Variants in MAP4K3 observed in about 807,000 individuals in gnomAD.
MAP4K3 encodes MAPK/ERK kinase kinase kinase 3.
A neutral mutation model predicts 143.5 loss-of-function variants in MAP4K3; 94 were observed. That is an observed-to-expected ratio of 0.65 (90% CI 0.55 to 0.78). The LOEUF is 0.78. Among genes scored for constraint, MAP4K3 ranks in the 30% least tolerant of loss-of-function variants. The pLI is 0.00. For synonymous variants in MAP4K3, 416 were observed against 347.2 expected (o/e 1.20, Z -2.20); for missense variants, 1,077 against 1,068.1 (o/e 1.01, Z -0.12).
At chr2:39,267,788 A>G (rs933291774) in intron 26 of MAP4K3, among the ~76,000 whole-genome samples, 1 of 151,966 alleles carries the variant, frequency 6.6e-6, no homozygotes, top group Non-Finnish European at 1.5e-5. Context: ...AGAAGTCTAT[A>G]GAAATATATG....
intron 2 of MAP4K3, among the ~76,000 whole-genome samples, chr2:39,361,214 C>T (rs759658639): frequency 3.7e-4 from 56 of 152,040 alleles, no homozygotes; most frequent in Non-Finnish European, 4.3e-4. Flanking sequence ...TTTGTCTCTA[C>T]ATTATAGCAA....
At chr2:39,386,031 T>C (rs995524187) in intron 1 of MAP4K3, among the ~76,000 whole-genome samples, 1 of 152,234 alleles carries the variant, frequency 6.6e-6, no homozygotes, top group Non-Finnish European at 1.5e-5. Flanking sequence ...AATTCATATG[T>C]TGAAGTCCCA....
chr2:39,276,356 A>C (rs1681253176), intron 24 of MAP4K3, among the ~76,000 whole-genome samples: 1 of 152,218 alleles, frequency 6.6e-6, no homozygotes, highest in South Asian at 2.1e-4. Context: ...AAGTTAACCT[A>C]GACCTCTCTT....
intron 20 of MAP4K3, among the ~76,000 whole-genome samples, chr2:39,287,647 G>T (rs560412060): frequency 1.3e-4 from 20 of 152,084 alleles, no homozygotes; most frequent in Admixed American, 9.2e-4. Flanking sequence ...AAACACAGAG[G>T]AGTCTTTACA....
rs764250055 is a variant in MAP4K3 at position 39,260,656 on chromosome 2, C to A, written c.2258G>T (p.Arg753Leu). 2.1e-5 allele frequency: 34 copies of A among 1,613,950 alleles called. No individual in the cohort carries two copies. Among genetic ancestry groups the A allele is most frequent in the Non-Finnish European group, 2.6e-5 (31 of 1,180,008 alleles). ...SRGRDFNQVV[R>L]FETVNPNSTS... ...AGAATTTGGATTGACCGTCTCAAAT[C>A]GAACCACTTGGTTGAAGTCTCTACC... Residue 753 changes from arginine to leucine, a missense_variant, in exon 29 of 34, where the codon CGA (arginine) becomes CTA (leucine). Arg to Leu is a moderately radical substitution (Grantham distance 102). Transcript: ENST00000263881.
At chr2:39,274,419 A>C (rs968362679) in intron 24 of MAP4K3, among the ~76,000 whole-genome samples, 2 of 151,764 alleles carry the variant, frequency 1.3e-5, no homozygotes, top group Non-Finnish European at 2.9e-5. Flanking sequence ...ACGGGGTTTC[A>C]CCGTGTTAGC....
At chr2:39,404,724 C>T (rs924400885) in intron 1 of MAP4K3, among the ~76,000 whole-genome samples, 4 of 149,174 alleles carry the variant, frequency 2.7e-5, no homozygotes, top group Admixed American at 6.8e-5. Context: ...TGGGTTCAAG[C>T]GATTCTCCTG....
chr2:39,264,250 T>C (rs1272299489), intron 28 of MAP4K3, among the ~76,000 whole-genome samples: 1 of 152,246 alleles, frequency 6.6e-6, no homozygotes, highest in Non-Finnish European at 1.5e-5. Context: ...TCAGTAGTTC[T>C]GCTTTAGACA....
At chr2:39,304,575 G>A (rs1422358429) in intron 15 of MAP4K3, among the ~76,000 whole-genome samples, 1 of 152,238 alleles carries the variant, frequency 6.6e-6, no homozygotes, top group Non-Finnish European at 1.5e-5. Context: ...AATAACAAAT[G>A]CTGATGAGGA....
intron 2 of MAP4K3, among the ~76,000 whole-genome samples, chr2:39,362,758 GA>G (rs771529862): frequency 6.6e-6 from 1 of 152,052 alleles, no homozygotes; most frequent in Non-Finnish European, 1.5e-5. Flanking sequence ...TGAGAAAAAA[GA>G]ATAAAAGCTG....
At chr2:39,423,645 A>G (rs1664962484) in intron 1 of MAP4K3, among the ~76,000 whole-genome samples, 1 of 152,232 alleles carries the variant, frequency 6.6e-6, no homozygotes, top group Non-Finnish European at 1.5e-5. Context: ...GCATATTGCT[A>G]AGGGAAAGAA....
At chr2:39,339,771 A>T (rs1665089003) in intron 4 of MAP4K3, among the ~76,000 whole-genome samples, 1 of 152,020 alleles carries the variant, frequency 6.6e-6, no homozygotes, top group Admixed American at 6.6e-5. Flanking sequence ...TCAAATATAT[A>T]TTGGAAACAA....
intron 18 of MAP4K3, among the ~76,000 whole-genome samples, chr2:39,292,180 A>G (rs1177176291): frequency 6.6e-6 from 1 of 152,242 alleles, no homozygotes; most frequent in African/African-American, 2.4e-5. Context: ...GCTTCTTTGT[A>G]GTTGTAGTAA....
intron 4 of MAP4K3, among the ~76,000 whole-genome samples, chr2:39,342,425 C>A (rs113413310): frequency 2.6e-5 from 4 of 152,070 alleles, no homozygotes; most frequent in African/African-American, 9.7e-5. Context: ...CCACTGCACC[C>A]GGCCCTTCAT....
At chr2:39,321,160 T>TG (rs753808011) in intron 12 of MAP4K3, among the ~76,000 whole-genome samples, 2 of 152,150 alleles carry the variant, frequency 1.3e-5, no homozygotes, top group Non-Finnish European at 2.9e-5. Flanking sequence ...TTCATTTCTG[T>TG]GGGGAAAAGA....
intron 1 of MAP4K3, among the ~76,000 whole-genome samples, chr2:39,378,410 A>C (rs1197298927): frequency 6.6e-6 from 1 of 152,196 alleles, no homozygotes; most frequent in Non-Finnish European, 1.5e-5. Context: ...TCCTCACAAC[A>C]ACCTTATAAA....
chr2:39,332,622 A>C lies in MAP4K3; in HGVS notation c.458-633T>G, dbSNP rs115593186. ...ACCTTCTCAAGTAAGATATATTATA[A>C]ATAGTATGTCTTTGAGTGAGGCACA... On this transcript the variant is annotated intron_variant, in intron 7 of 33. Coordinates refer to ENST00000263881, the MANE Select transcript of MAP4K3 (RefSeq NM_003618.4). Among the ~76,000 whole-genome samples, 651 of 152,194 alleles carry C rather than the reference A, an allele frequency of 4.3e-3. 4 individuals are homozygous for C. The highest frequency in any genetic ancestry group is 0.015 in the African/African-American group (621 of 41,576).
chr2:39,373,405 C>A (rs1364998518), intron 2 of MAP4K3, among the ~76,000 whole-genome samples: 1 of 152,094 alleles, frequency 6.6e-6, no homozygotes, highest in Non-Finnish European at 1.5e-5. Context: ...AAAAATAGAA[C>A]TACCATACAA....
chr2:39,410,288 T>C (rs560337539), intron 1 of MAP4K3, among the ~76,000 whole-genome samples: 24 of 152,292 alleles, frequency 1.6e-4, no homozygotes, highest in African/African-American at 4.8e-4. Context: ...ATACCACAAA[T>C]AGCCACAATC....
Sources: allele counts gnomAD v4.1 joint callset (sites outside exome capture counted in the v4.1 genomes callset), GRCh38; gene constraint gnomAD v4.1.1; transcripts MANE v1.5; gene names NCBI Gene and HGNC (gene_info 2026-07-23, HGNC 2026-07-21).